The following PRKCE variants were observed in gnomAD, a reference collection of about 807,000 sequenced individuals.
PRKCE encodes protein kinase C epsilon.
A neutral mutation model predicts 85.4 loss-of-function variants in PRKCE; 16 were observed. The ratio of observed to expected loss-of-function variants is 0.19; its 90% CI spans 0.13 to 0.28. The LOEUF is 0.28. Among genes scored for constraint, PRKCE ranks in the 10% least tolerant of loss-of-function variants. The pLI, the probability that PRKCE is intolerant of heterozygous loss-of-function variation, is 1.00. For synonymous variants in PRKCE, 388 were observed against 371.5 expected, an observed-to-expected ratio of 1.04 and a Z score of -0.51; for missense variants, 573 against 975.2, an observed-to-expected ratio of 0.59 and a Z score of 5.49.
In PRKCE at chr2:46,041,030, G is replaced by C. The variant is rs559660363; in HGVS notation, c.1437+30513G>C. Among the ~76,000 whole-genome samples the C allele has an allele frequency of 2.0e-5, 3 of 152,164 alleles. No homozygotes were observed. The highest frequency in any genetic ancestry group is 7.2e-5 in the African/African-American group (3 of 41,424). ...TCCAGCATTCAAAATAAATCATTCC[G>C]TTTGCCTGTCATATTCTGACTTTTT... On this transcript the variant is annotated intron_variant, in intron 10 of 14. Coordinates refer to ENST00000306156, the MANE Select transcript of PRKCE (RefSeq NM_005400.3). The surrounding 1 kb of genome is among the most constrained non-coding windows in gnomAD (Gnocchi z 5.5).
At chr2:46,143,576 T>C (rs1464808225) in intron 11 of PRKCE, among the ~76,000 whole-genome samples, 1 of 151,922 alleles carries the variant, frequency 6.6e-6, no homozygotes, top group Non-Finnish European at 1.5e-5. Flanking sequence ...ACCAGCAAGG[T>C]GACTTTACCA....
At chr2:45,914,197 T>G (rs993232604) in intron 2 of PRKCE, among the ~76,000 whole-genome samples, 5 of 152,162 alleles carry the variant, frequency 3.3e-5, no homozygotes, top group Non-Finnish European at 4.4e-5. Flanking sequence ...AGTTTATAAT[T>G]AGGAAGATAA....
At chr2:45,684,116 T>C (rs2103971813) in intron 1 of PRKCE, among the ~76,000 whole-genome samples, 1 of 152,300 alleles carries the variant, frequency 6.6e-6, no homozygotes, top group East Asian at 1.9e-4. Context: ...GGTCTCTTTA[T>C]TCTTCCCCTG....
At chr2:45,938,551 C>T (rs1699645414) in intron 2 of PRKCE, among the ~76,000 whole-genome samples, 1 of 152,136 alleles carries the variant, frequency 6.6e-6, no homozygotes, top group South Asian at 2.1e-4. Context: ...CCCCTCAAAC[C>T]CCCATCAAGC....
In PRKCE at chr2:46,146,059, T is replaced by C. The variant is rs61759979; in HGVS notation, c.1731+828T>C. ...AGGAGAGTGACTGTGCCTCATTATATACAGATATCAGAGATGTTCACTGTG... is the reference window on the plus strand; with the variant it reads ...AGGAGAGTGACTGTGCCTCATTATACACAGATATCAGAGATGTTCACTGTG... On this transcript the variant is annotated intron_variant, in intron 12 of 14. Transcript: ENST00000306156. 7.7e-3 allele frequency among the ~76,000 whole-genome samples: 1,175 copies of C among 152,308 alleles called. 5 individuals carry two copies. The highest frequency in any genetic ancestry group is 0.013 in the Non-Finnish European group (862 of 68,034).
chr2:45,864,008 C>T (rs1005140913), intron 2 of PRKCE, among the ~76,000 whole-genome samples: 2 of 152,170 alleles, frequency 1.3e-5, no homozygotes, highest in African/African-American at 4.8e-5. Flanking sequence ...TTTCAATTTC[C>T]TTGTTTGTAG....
rs967833171 is a variant in PRKCE at position 45,697,268 on chromosome 2, C to T, written c.348+44820C>T. Among the ~76,000 whole-genome samples, 3 of 152,254 alleles carry T rather than the reference C, an allele frequency of 2.0e-5. No individual in the cohort carries two copies. The highest frequency in any genetic ancestry group is 2.9e-5 in the Non-Finnish European group (2 of 68,014). On this transcript the variant is annotated intron_variant, in intron 1 of 14. Coordinates refer to ENST00000306156, the MANE Select transcript of PRKCE (RefSeq NM_005400.3). This position sits in a 1 kb window ranked among gnomAD's most constrained non-coding sequence, Gnocchi z 4.2. Reference sequence around the variant, plus strand: ...GCGCACCCCACTGGCTGGCCTGGCCCTCCTGGCTGCCCACATTCTGCTTGG... The same window carrying T: ...GCGCACCCCACTGGCTGGCCTGGCCTTCCTGGCTGCCCACATTCTGCTTGG...
chr2:45,698,106 T>C (rs549038251), intron 1 of PRKCE: 2 of 152,750 alleles, frequency 1.3e-5, no homozygotes, highest in East Asian at 1.9e-4. Flanking sequence ...AAATGCTCCA[T>C]TGGGTGCCAC....
intron 1 of PRKCE, among the ~76,000 whole-genome samples, chr2:45,720,904 C>T (rs908761307): frequency 1.1e-4 from 17 of 152,022 alleles, no homozygotes; most frequent in African/African-American, 3.6e-4. Context: ...GTCAGGAGTT[C>T]GAGACCAGCC....
chr2:46,016,862 T>G (rs1156670241), intron 10 of PRKCE, among the ~76,000 whole-genome samples: 1 of 148,212 alleles, frequency 6.7e-6, no homozygotes, highest in Non-Finnish European at 1.5e-5. Flanking sequence ...TGAGCCGAGA[T>G]CGTCCCACTG....
In PRKCE at chr2:46,001,651, G is replaced by C. The variant is rs1704692495; in HGVS notation, c.966+105G>C. 2.2e-6 allele frequency: 3 copies of C among 1,348,094 alleles called. No individual in the cohort carries two copies. Among genetic ancestry groups the C allele is most frequent in the Non-Finnish European group, 2.9e-6 (3 of 1,024,670 alleles). The allele number at this position is 1,348,094 out of a possible 1,614,324, so 83.5% of individuals were successfully genotyped here. ...GTGAGGTAATAAGATTCCTGGGTTT[G>C]AGGTATTTTACTCAGAACTGCAGTA... On this transcript the variant is annotated intron_variant, in intron 7 of 14. Coordinates refer to ENST00000306156, the MANE Select transcript of PRKCE (RefSeq NM_005400.3). The surrounding 1 kb of genome is among the most constrained non-coding windows in gnomAD (Gnocchi z 4.4).
At chr2:45,898,046 A>G (rs918423338) in intron 2 of PRKCE, among the ~76,000 whole-genome samples, 20 of 152,334 alleles carry the variant, frequency 1.3e-4, no homozygotes, top group Admixed American at 5.2e-4. Flanking sequence ...GGGCAAGTGC[A>G]CACCAGGCAC....
intron 1 of PRKCE, among the ~76,000 whole-genome samples, chr2:45,795,050 C>T (rs967885547): frequency 2.0e-5 from 3 of 152,192 alleles, no homozygotes; most frequent in Non-Finnish European, 4.4e-5. Context: ...GTACATGACC[C>T]CACCTTCTGA....
intron 11 of PRKCE, among the ~76,000 whole-genome samples, chr2:46,132,276 G>A (rs1674538362): frequency 6.6e-6 from 1 of 152,084 alleles, no homozygotes; most frequent in African/African-American, 2.4e-5. Context: ...CACTGTATGT[G>A]ATCCTTTTCT....
chr2:45,760,971 C>T (rs938983737), intron 1 of PRKCE, among the ~76,000 whole-genome samples: 2 of 152,090 alleles, frequency 1.3e-5, no homozygotes, highest in Admixed American at 6.5e-5. Flanking sequence ...CATTAGAGCA[C>T]CTGCTCTTGA....
chr2:46,165,316 G>A (rs1678228839), intron 14 of PRKCE, among the ~76,000 whole-genome samples: 2 of 152,166 alleles, frequency 1.3e-5, no homozygotes, highest in Admixed American at 6.5e-5. Context: ...AACTGAGTTT[G>A]TGCAAGTGAT....
intron 7 of PRKCE, among the ~76,000 whole-genome samples, chr2:46,003,712 A>AGG (rs1704911525): frequency 1.3e-5 from 2 of 152,190 alleles, no homozygotes; most frequent in Admixed American, 6.5e-5. Context: ...GGATAGGTGG[A>AGG]GGGGGACGTT....
chr2:45,678,632 C>A (rs1294019799), intron 1 of PRKCE, among the ~76,000 whole-genome samples: 2 of 151,960 alleles, frequency 1.3e-5, no homozygotes, highest in Non-Finnish European at 2.9e-5. Context: ...TTGGAGGGAA[C>A]CTTTCTTTCA....
chr2:45,951,421 C>A (rs923318365), intron 2 of PRKCE, among the ~76,000 whole-genome samples: 1 of 152,188 alleles, frequency 6.6e-6, no homozygotes, highest in Non-Finnish European at 1.5e-5. Context: ...TAATTCCTCC[C>A]TAACTCTGAC....
Sources: gnomAD v4.1 joint callset for allele counts (sites outside exome capture counted in the v4.1 genomes callset) on GRCh38, gnomAD v4.1.1 for gene constraint, Gnocchi (gnomAD v3.1) non-coding constraint, MANE v1.5 for transcripts, NCBI Gene and HGNC (gene_info 2026-07-23, HGNC 2026-07-21) for gene names.